PAG1: variants seen among roughly 807,000 people sequenced by gnomAD.
PAG1 encodes phosphoprotein membrane anchor with glycosphingolipid microdomains 1, also known as phosphoprotein associated with glycosphingolipid-enriched microdomains 1.
In PAG1, 23 loss-of-function variants were observed where a neutral mutation model predicts 31.7. That is an observed-to-expected ratio of 0.73 (90% confidence interval 0.52 to 1.03). The LOEUF is 1.03. PAG1 is among the 50% of genes least tolerant of loss of function. The pLI, the probability that PAG1 is intolerant of heterozygous loss-of-function variation, is 0.00. For missense variants in PAG1, 473 were observed against 540.7 expected, an observed-to-expected ratio of 0.87 and a Z score of 1.24; for synonymous variants, 214 against 210.3, an observed-to-expected ratio of 1.02 and a Z score of -0.15.
chr8:81,057,235 A>G (rs1808839110), intron 2 of PAG1, among the ~76,000 whole-genome samples: 1 of 152,314 alleles, frequency 6.6e-6, no homozygotes, highest in East Asian at 1.9e-4. Flanking sequence ...TACTCAAAGG[A>G]CTATAAATCA....
chr8:81,061,507 A>G (rs1214925490), intron 2 of PAG1, among the ~76,000 whole-genome samples: 1 of 152,236 alleles, frequency 6.6e-6, no homozygotes, highest in Non-Finnish European at 1.5e-5. Flanking sequence ...CAGAGAATAC[A>G]GTACCACAGA....
At chr8:81,092,452 T>C (rs562142758) in intron 1 of PAG1, among the ~76,000 whole-genome samples, 2 of 152,290 alleles carry the variant, frequency 1.3e-5, no homozygotes, top group East Asian at 3.9e-4. Context: ...AGTGAAGAAA[T>C]ACATTTATTC....
intron 1 of PAG1, among the ~76,000 whole-genome samples, chr8:81,092,840 G>C (rs576723531): frequency 6.6e-6 from 1 of 152,288 alleles, no homozygotes; most frequent in South Asian, 2.1e-4. Flanking sequence ...GTGGTAGTGA[G>C]CTTTAACAGG....
At chr8:81,007,574 T>C (rs1460394380) in intron 3 of PAG1, among the ~76,000 whole-genome samples, 1 of 131,364 alleles carries the variant, frequency 7.6e-6, no homozygotes, top group Non-Finnish European at 1.6e-5. Flanking sequence ...AAGGTGGAGG[T>C]TGCAGTGAGC....
chr8:81,022,576 T>TGGTCC, intron 3 of PAG1, among the ~76,000 whole-genome samples: 1 of 152,200 alleles, frequency 6.6e-6, no homozygotes, highest in Non-Finnish European at 1.5e-5. Context: ...TAAATCCATA[T>TGGTCC]ATTAAAGGTA....
At chr8:81,063,673 A>T (rs1808955318) in intron 2 of PAG1, among the ~76,000 whole-genome samples, 1 of 152,172 alleles carries the variant, frequency 6.6e-6, no homozygotes, top group Admixed American at 6.5e-5. Context: ...TGTTTCACGA[A>T]AAGGTCATAT....
chr8:81,105,800 C>T (rs1809684551), intron 1 of PAG1, among the ~76,000 whole-genome samples: 1 of 152,156 alleles, frequency 6.6e-6, no homozygotes, highest in Non-Finnish European at 1.5e-5. Context: ...CTTATCTGAT[C>T]ACCCTTCATT....
chr8:81,092,189 C>CAA (rs58417714), intron 1 of PAG1, among the ~76,000 whole-genome samples: 45 of 71,276 alleles, frequency 6.3e-4, no homozygotes, highest in Non-Finnish European at 7.5e-4. Context: ...CACATCTCTG[C>CAA]AAAAAAAAAA....
Position 80,984,922 on chromosome 8 carries a change from T to C in PAG1, c.730A>G (p.Ser244Gly), listed in dbSNP as rs1196351962. The change falls in exon 7 of 9, where the codon AGT (serine) becomes GGT (glycine). Residue 244 changes from serine to glycine, a missense_variant. Ser to Gly is a moderately conservative substitution (Grantham distance 56). Coordinates refer to ENST00000220597, the MANE Select transcript of PAG1 (RefSeq NM_018440.4). ...KKCRQSVNVESILGNSCDPEE... is the reference protein window; with the variant it reads ...KKCRQSVNVEGILGNSCDPEE... The stretch of plus-strand genomic sequence containing the variant: ...GGATCACATGAATTTCCAAGGATAC[T>C]CTCTACATTAACACTTTGACGACAT... 6.2e-7 allele frequency: 1 copy of C among 1,614,154 alleles called. No individual in the cohort carries two copies.
chr8:81,054,947 G>A (rs1028774757), intron 2 of PAG1, among the ~76,000 whole-genome samples: 12 of 152,004 alleles, frequency 7.9e-5, no homozygotes, highest in African/African-American at 2.9e-4. Context: ...TGGGTAGAAA[G>A]AACCCAATGT....
chr8:81,081,100 A>C (rs1809258612), intron 1 of PAG1, among the ~76,000 whole-genome samples: 1 of 152,132 alleles, frequency 6.6e-6, no homozygotes, highest in Non-Finnish European at 1.5e-5. Context: ...TCTTCTTTAC[A>C]ATAATGCTGA....
chr8:81,047,207 C>G (rs1475101343), intron 2 of PAG1, among the ~76,000 whole-genome samples: 1 of 152,164 alleles, frequency 6.6e-6, no homozygotes, highest in Non-Finnish European at 1.5e-5. Flanking sequence ...TGGGTATATA[C>G]CCAGTAATGG....
chr8:81,011,802 A>C (rs1563628729), intron 3 of PAG1, among the ~76,000 whole-genome samples: 1 of 152,192 alleles, frequency 6.6e-6, no homozygotes, highest in East Asian at 1.9e-4. Context: ...TTTTGCAGAG[A>C]AGGCGTTTTG....
chr8:81,061,445 T>A (rs894630853), intron 2 of PAG1, among the ~76,000 whole-genome samples: 3 of 152,200 alleles, frequency 2.0e-5, no homozygotes, highest in African/African-American at 4.8e-5. Context: ...GTTATCATCA[T>A]ACTAATCAGA....
At chr8:81,072,860 C>T (rs1486018075) in intron 1 of PAG1, among the ~76,000 whole-genome samples, 1 of 152,216 alleles carries the variant, frequency 6.6e-6, no homozygotes, top group Non-Finnish European at 1.5e-5. Flanking sequence ...TGCATGAGGT[C>T]AGTTATCTCA....
chr8:80,994,526 C>A (rs1209579985), intron 3 of PAG1, among the ~76,000 whole-genome samples: 1 of 152,154 alleles, frequency 6.6e-6, no homozygotes, highest in South Asian at 2.1e-4. Flanking sequence ...AGCTAAATCC[C>A]AGCAGAGCGG....
At chr8:81,063,771 T>C (rs960171218) in intron 2 of PAG1, among the ~76,000 whole-genome samples, 1 of 152,098 alleles carries the variant, frequency 6.6e-6, no homozygotes, top group African/African-American at 2.4e-5. Context: ...GGTGATTTTA[T>C]TGGGGAACTT....
At chr8:81,080,371 A>T (rs1341521969) in intron 1 of PAG1, among the ~76,000 whole-genome samples, 2 of 152,166 alleles carry the variant, frequency 1.3e-5, no homozygotes, top group Non-Finnish European at 1.5e-5. Flanking sequence ...AGTAGTTTAT[A>T]ATCAGGAAGA....
intron 2 of PAG1, among the ~76,000 whole-genome samples, chr8:81,046,543 T>C (rs1344953412): frequency 6.6e-6 from 1 of 152,228 alleles, no homozygotes; most frequent in Non-Finnish European, 1.5e-5. Flanking sequence ...CAAAGTTTCA[T>C]ATTAAAATGT....
Sources: allele counts gnomAD v4.1 joint callset (sites outside exome capture counted in the v4.1 genomes callset), GRCh38; gene constraint gnomAD v4.1.1; transcripts MANE v1.5; gene names NCBI Gene and HGNC (gene_info 2026-07-23, HGNC 2026-07-21).